The following CELF2 variants were observed in gnomAD, a reference collection of about 807,000 sequenced individuals.
The protein encoded by CELF2 is CUG triplet repeat RNA-binding protein 2.
Under a neutral mutation model 62.6 loss-of-function variants are expected in CELF2, and 8 were observed. That is an observed-to-expected ratio of 0.13 (90% CI 0.07 to 0.23). The LOEUF is 0.23. Ranked by LOEUF, CELF2 falls within the 10% of genes least tolerant of loss-of-function variation. CELF2 has a pLI of 1.00. For missense variants in CELF2, 333 were observed against 671.0 expected (o/e 0.50, Z 5.56); for synonymous variants, 258 against 250.0 (o/e 1.03, Z -0.30).
chr10:10,647,263 A>T, the CELF2 span, among the ~76,000 whole-genome samples: 4 of 152,116 alleles, frequency 2.6e-5, no homozygotes, highest in Admixed American at 2.6e-4. Flanking sequence ...TTGCTGAAGC[A>T]TCACCTGCTG....
At chr10:10,891,818 ATCAC>A (rs982048216) in intron 1 of CELF2, among the ~76,000 whole-genome samples, 17 of 152,146 alleles carry the variant, frequency 1.1e-4, no homozygotes, top group African/African-American at 4.1e-4. Flanking sequence ...GAGTCTGTTA[ATCAC>A]TCTAAGTCTG....
At chr10:11,278,740 G>A (rs2087100242) in intron 8 of CELF2, among the ~76,000 whole-genome samples, 1 of 152,206 alleles carries the variant, frequency 6.6e-6, no homozygotes, top group African/African-American at 2.4e-5. Context: ...AAGGTTCAGT[G>A]AGTAATGTGA....
At chr10:10,728,290 A>G in the CELF2 span, among the ~76,000 whole-genome samples, 1 of 151,196 alleles carries the variant, frequency 6.6e-6, no homozygotes. Context: ...ATTAAAAAAA[A>G]AAAAATACAA....
intron 4 of CELF2, among the ~76,000 whole-genome samples, chr10:11,256,656 T>G (rs2078849044): frequency 1.8e-5 from 2 of 113,012 alleles, no homozygotes; most frequent in African/African-American, 3.9e-5. Context: ...TGGGTGTCTG[T>G]GATGTCCTTA....
chr10:11,265,498 G>A (rs1272111069), intron 5 of CELF2, among the ~76,000 whole-genome samples: 1 of 152,240 alleles, frequency 6.6e-6, no homozygotes, highest in Non-Finnish European at 1.5e-5. Context: ...AAATAAGTCT[G>A]TGTTGCTTTA....
At chr10:10,848,702 G>A (rs2059170914) in intron 1 of CELF2, among the ~76,000 whole-genome samples, 1 of 152,112 alleles carries the variant, frequency 6.6e-6, no homozygotes, top group Non-Finnish European at 1.5e-5. Context: ...CTTTCTCCTA[G>A]GCCAGCGTGG....
chr10:10,779,624 C>T, the CELF2 span, among the ~76,000 whole-genome samples: 1 of 152,142 alleles, frequency 6.6e-6, no homozygotes, highest in Non-Finnish European at 1.5e-5. Context: ...GTTTTTCTGC[C>T]TCGCTCTACA....
At chr10:10,533,446 C>G in the CELF2 span, among the ~76,000 whole-genome samples, 2 of 152,070 alleles carry the variant, frequency 1.3e-5, no homozygotes, top group Admixed American at 1.3e-4. Flanking sequence ...TTTTAAATAC[C>G]TATTATGGGT....
intron 1 of CELF2, among the ~76,000 whole-genome samples, chr10:11,084,207 A>G (rs1467392670): frequency 6.6e-6 from 1 of 152,224 alleles, no homozygotes; most frequent in Non-Finnish European, 1.5e-5. Flanking sequence ...AGGTGGAGTA[A>G]TAGCTTTGTT....
At chr10:10,989,826 A>C (rs1289979771) in intron 2 of CELF2, among the ~76,000 whole-genome samples, 2 of 152,176 alleles carry the variant, frequency 1.3e-5, no homozygotes, top group Non-Finnish European at 2.9e-5. Flanking sequence ...ACTAAAGCAC[A>C]TAAACTGACC....
At chr10:10,768,386 C>A in the CELF2 span, among the ~76,000 whole-genome samples, 1 of 152,072 alleles carries the variant, frequency 6.6e-6, no homozygotes, top group East Asian at 1.9e-4. Flanking sequence ...CAGGTTACAG[C>A]CCCATGAGTT....
chr10:11,007,566 G>T (rs2137219043), intron 1 of CELF2, among the ~76,000 whole-genome samples: 1 of 152,276 alleles, frequency 6.6e-6, no homozygotes. Context: ...TTAAATGCAT[G>T]CCTGTGATGT....
At chr10:10,912,407 G>C (rs2063893412) in intron 1 of CELF2, among the ~76,000 whole-genome samples, 1 of 151,158 alleles carries the variant, frequency 6.6e-6, no homozygotes, top group South Asian at 2.1e-4. Flanking sequence ...TTTTTTTTGA[G>C]ATGCTCTGTC....
chr10:11,083,961 T>G (rs746948711), intron 1 of CELF2, among the ~76,000 whole-genome samples: 1 of 152,168 alleles, frequency 6.6e-6, no homozygotes, highest in South Asian at 2.1e-4. Flanking sequence ...ATATCAGACA[T>G]GATTTACTGC....
the CELF2 span, among the ~76,000 whole-genome samples, chr10:10,710,291 G>A: frequency 4.6e-5 from 7 of 152,218 alleles, no homozygotes; most frequent in Admixed American, 6.5e-5. Flanking sequence ...CCATCATAAA[G>A]TTGTTACCGT....
At chr10:11,123,379 T>G (rs551164997) in intron 1 of CELF2, among the ~76,000 whole-genome samples, 58 of 152,166 alleles carry the variant, frequency 3.8e-4, no homozygotes, top group Admixed American at 3.9e-4. Context: ...GCCCCCTGAG[T>G]TGCTGAGACT....
the CELF2 span, among the ~76,000 whole-genome samples, chr10:10,544,196 G>A: frequency 6.6e-6 from 1 of 152,214 alleles, no homozygotes; most frequent in African/African-American, 2.4e-5. Context: ...GGGCCACCAG[G>A]TGGGCACAAA....
Position 11,330,717 on chromosome 10 carries a change from A to G in CELF2, c.*1664A>G, listed in dbSNP as rs1413812951. On this transcript the variant is annotated 3_prime_UTR_variant, in exon 13 of 13. Transcript: ENST00000633077. The surrounding 1 kb of genome is among the most constrained non-coding windows in gnomAD (Gnocchi z 4.5). The stretch of plus-strand genomic sequence containing the variant: ...ATTATTAGACAAATTCATTATAGAA[A>G]AAACCTGTGGCAAAAACGTTTCTTT... 1 of 152,656 alleles carries G rather than the reference A, an allele frequency of 6.6e-6. No individual in the cohort carries two copies. The highest frequency in any genetic ancestry group is 2.4e-5 in the African/African-American group (1 of 41,456). 9.5% of individuals were successfully genotyped at this position (152,656 alleles called of 1,614,324 possible).
chr10:10,555,478 C>T, the CELF2 span, among the ~76,000 whole-genome samples: 4 of 152,066 alleles, frequency 2.6e-5, no homozygotes, highest in East Asian at 5.8e-4. Context: ...ACTGGCAAAC[C>T]CAAGTTATGT....
Sources: allele counts gnomAD v4.1 joint callset (sites outside exome capture counted in the v4.1 genomes callset), GRCh38; gene constraint gnomAD v4.1.1; non-coding constraint Gnocchi (gnomAD v3.1); transcripts MANE v1.5; gene names NCBI Gene and HGNC (gene_info 2026-07-23, HGNC 2026-07-21).